Variants in MACROD2 observed in about 807,000 individuals in gnomAD.
MACROD2 encodes mono-ADP ribosylhydrolase 2, also known as ADP-ribose glycohydrolase MACROD2.
Under a neutral mutation model 70.4 loss-of-function variants are expected in MACROD2, and 36 were observed. That is an observed-to-expected ratio of 0.51 (90% confidence interval 0.39 to 0.68). MACROD2 has a LOEUF of 0.68. Ranked by LOEUF, MACROD2 falls within the 30% of genes least tolerant of loss-of-function variation. The pLI, the probability that MACROD2 is intolerant of heterozygous loss-of-function variation, is 0.00. For missense variants in MACROD2, 496 were observed against 538.4 expected (o/e 0.92, Z 0.78); for synonymous variants, 172 against 178.8 (o/e 0.96, Z 0.30).
At chr20:14,713,290 A>G (rs889051285) in intron 5 of MACROD2, among the ~76,000 whole-genome samples, 2 of 152,206 alleles carry the variant, frequency 1.3e-5, no homozygotes, top group African/African-American at 2.4e-5. Flanking sequence ...CTGGATAGGT[A>G]CAACTATCCC....
chr20:15,385,736 C>T lies in MACROD2; in HGVS notation c.541-45669C>T, dbSNP rs138705744. ...TCTCTTTCCATTAAAGAGAAATCCACTCTTACTTAAATTTGTGTCTTGCAC... is the reference window on the plus strand; with the variant it reads ...TCTCTTTCCATTAAAGAGAAATCCATTCTTACTTAAATTTGTGTCTTGCAC... On this transcript the variant is annotated intron_variant, in intron 6 of 17. Coordinates refer to ENST00000684519, the MANE Select transcript of MACROD2 (RefSeq NM_001351661.2). Among the ~76,000 whole-genome samples the T allele has an allele frequency of 3.3e-5, 5 of 152,288 alleles. No individual in the cohort carries two copies. The East Asian group carries it at 9.6e-4, about 29-fold the overall frequency.
intron 2 of MACROD2, among the ~76,000 whole-genome samples, chr20:14,038,374 CTTATT>C (rs1315057187): frequency 6.6e-6 from 1 of 151,968 alleles, no homozygotes; most frequent in East Asian, 1.9e-4. Flanking sequence ...CAAATATTGA[CTTATT>C]TAATGACTAC....
intron 4 of MACROD2, among the ~76,000 whole-genome samples, chr20:14,600,955 C>T (rs144836732): frequency 7.1e-4 from 108 of 152,268 alleles, no homozygotes; most frequent in African/African-American, 2.5e-3. Context: ...ACAGGCTTTG[C>T]ATTTAGTCCA....
chr20:14,486,197 G>C (rs550282004), intron 3 of MACROD2, among the ~76,000 whole-genome samples: 1 of 152,318 alleles, frequency 6.6e-6, no homozygotes, highest in African/African-American at 2.4e-5. Context: ...ACAAGGAGAG[G>C]GGGAGGATGT....
chr20:14,546,220 T>C (rs2085490382), intron 4 of MACROD2, among the ~76,000 whole-genome samples: 1 of 152,176 alleles, frequency 6.6e-6, no homozygotes, highest in Admixed American at 6.5e-5. Context: ...CAAATGGAAA[T>C]ATGAAGTAAT....
chr20:14,080,442 C>CAAA (rs61598345), intron 2 of MACROD2, among the ~76,000 whole-genome samples: 25,022 of 63,424 alleles, frequency 0.39, 5,709 homozygotes, highest in Non-Finnish European at 0.44. Flanking sequence ...AACCCCGTCT[C>CAAA]AAAAAAAAAA....
At chr20:14,790,417 C>T (rs1391395499) in intron 5 of MACROD2, among the ~76,000 whole-genome samples, 1 of 151,966 alleles carries the variant, frequency 6.6e-6, no homozygotes, top group East Asian at 1.9e-4. Context: ...TGTCATATTT[C>T]AGAGGTACTT....
intron 5 of MACROD2, among the ~76,000 whole-genome samples, chr20:14,689,988 C>T (rs1801823543): frequency 6.7e-6 from 1 of 149,658 alleles, no homozygotes; most frequent in Admixed American, 6.6e-5. Context: ...TGTCAATTAT[C>T]CATTGTGTTT....
At chr20:15,457,048 CT>C (rs2046737119) in intron 7 of MACROD2, among the ~76,000 whole-genome samples, 1 of 104,370 alleles carries the variant, frequency 9.6e-6, no homozygotes, top group Non-Finnish European at 1.8e-5. Context: ...TTTTTCTTTC[CT>C]TTCTTCTTTT....
chr20:15,270,564 A>T (rs1192856899), intron 6 of MACROD2, among the ~76,000 whole-genome samples: 1 of 152,182 alleles, frequency 6.6e-6, no homozygotes, highest in Non-Finnish European at 1.5e-5. Context: ...TAAAATTCAT[A>T]AAACTGTACA....
intron 5 of MACROD2, chr20:14,685,186 C>T (rs1161895784): frequency 5.3e-6 from 1 of 188,820 alleles, no homozygotes; most frequent in Non-Finnish European, 1.1e-5. Context: ...TATGTATATA[C>T]ACACATATGA....
intron 5 of MACROD2, among the ~76,000 whole-genome samples, chr20:14,928,273 G>C (rs2074257429): frequency 6.6e-6 from 1 of 152,150 alleles, no homozygotes; most frequent in African/African-American, 2.4e-5. Context: ...CATATCGTTT[G>C]TCAAGTCACC....
intron 10 of MACROD2, among the ~76,000 whole-genome samples, chr20:15,896,504 C>T (rs2064974624): frequency 1.3e-5 from 2 of 151,426 alleles, no homozygotes; most frequent in Admixed American, 1.3e-4. Context: ...CTTTAACTTG[C>T]CCAAGTCCAC....
chr20:15,730,271 TG>T (rs2050927862), intron 8 of MACROD2, among the ~76,000 whole-genome samples: 1 of 152,210 alleles, frequency 6.6e-6, no homozygotes, highest in Non-Finnish European at 1.5e-5. Context: ...CAGACTTGAT[TG>T]TATGGTTGCT....
intron 5 of MACROD2, among the ~76,000 whole-genome samples, chr20:15,209,762 T>C (rs755714331): frequency 1.3e-5 from 2 of 152,118 alleles, no homozygotes; most frequent in Admixed American, 6.5e-5. Context: ...CCTCCAACTT[T>C]TACATATTGA....
At chr20:14,720,536 C>CCTTTTTTT (rs2071453300) in intron 5 of MACROD2, among the ~76,000 whole-genome samples, 1 of 35,946 alleles carries the variant, frequency 2.8e-5, no homozygotes, top group Admixed American at 5.2e-4. Flanking sequence ...TGCCCCACAA[C>CCTTTTTTT]TTTTTTTTTT....
rs558117417 is a variant in MACROD2 at position 14,561,363 on chromosome 20, T to C, written c.301+67855T>C. On this transcript the variant is annotated intron_variant, in intron 4 of 17. Transcript: ENST00000684519. ...GTTCACTCTTAAGTTCCCTTAAGAT[T>C]ATGGAGTAGAAACCACTGTAAGCTT... Among the ~76,000 whole-genome samples the C allele has an allele frequency of 1.3e-4, 19 of 151,980 alleles. 1 individual carries two copies. The highest frequency in any genetic ancestry group is 9.2e-4 in the Admixed American group (14 of 15,218).
chr20:16,000,373 A>G (rs6080081), intron 15 of MACROD2, among the ~76,000 whole-genome samples: 20,139 of 152,062 alleles, frequency 0.13, 1,721 homozygotes, highest in Non-Finnish European at 0.2. Context: ...TCCCTCCCCA[A>G]CCTGATAGAT....
At chr20:14,467,891 T>C (rs36114271) in intron 3 of MACROD2, among the ~76,000 whole-genome samples, 159 of 152,250 alleles carry the variant, frequency 1.0e-3, no homozygotes, top group Non-Finnish European at 1.9e-3. Flanking sequence ...CAGGAACAGG[T>C]TGTCCAGTTT....
Sources: allele counts gnomAD v4.1 joint callset (sites outside exome capture counted in the v4.1 genomes callset), GRCh38; gene constraint gnomAD v4.1.1; transcripts MANE v1.5; gene names NCBI Gene and HGNC (gene_info 2026-07-23, HGNC 2026-07-21).